Variants in PTPRM observed in about 807,000 individuals in gnomAD.
PTPRM encodes receptor-type tyrosine-protein phosphatase mu.
A neutral mutation model predicts 186.7 loss-of-function variants in PTPRM; 47 were observed. That is an observed-to-expected ratio of 0.25 (90% CI 0.20 to 0.32). PTPRM has a LOEUF of 0.32. Ranked by LOEUF, PTPRM falls within the 10% of genes least tolerant of loss-of-function variation. The probability of loss-of-function intolerance (pLI) is 1.00; values close to 1 mark genes in which losing one functional copy is unlikely to be tolerated. For missense variants in PTPRM, 1,494 were observed against 1,865.0 expected (o/e 0.80, Z 3.66); for synonymous variants, 668 against 674.9 (o/e 0.99, Z 0.16).
chr18:7,885,570 T>G (rs2048742909), intron 2 of PTPRM, among the ~76,000 whole-genome samples: 1 of 152,146 alleles, frequency 6.6e-6, no homozygotes, highest in South Asian at 2.1e-4. Context: ...GTAATAGGGA[T>G]GTCACTCCCC....
intron 15 of PTPRM, among the ~76,000 whole-genome samples, chr18:8,244,759 CTG>C (rs2094462230): frequency 6.6e-6 from 1 of 152,182 alleles, no homozygotes; most frequent in African/African-American, 2.4e-5. Context: ...ATACTACTAC[CTG>C]TGATCCAGGT....
intron 7 of PTPRM, among the ~76,000 whole-genome samples, chr18:7,993,040 G>A (rs1596384): frequency 0.86 from 130,580 of 151,666 alleles, 56,464 homozygotes; most frequent in African/African-American, 0.93. Context: ...ATGACATATC[G>A]TAAAAAAGGA....
intron 9 of PTPRM, among the ~76,000 whole-genome samples, chr18:8,083,157 A>G (rs1004480498): frequency 7.9e-5 from 12 of 152,034 alleles, no homozygotes; most frequent in African/African-American, 2.9e-4. Flanking sequence ...CAATTGCCCC[A>G]CCAATCAAAT....
At chr18:8,215,165 TAG>T (rs2094062686) in intron 14 of PTPRM, among the ~76,000 whole-genome samples, 1 of 152,176 alleles carries the variant, frequency 6.6e-6, no homozygotes, top group African/African-American at 2.4e-5. Context: ...GCAATAGCAA[TAG>T]GTGACCTGTG....
intron 2 of PTPRM, among the ~76,000 whole-genome samples, chr18:7,820,919 A>G (rs1018479091): frequency 3.9e-5 from 6 of 152,274 alleles, no homozygotes; most frequent in African/African-American, 1.4e-4. Flanking sequence ...AGGTCTACAC[A>G]TGAGCTCTTC....
intron 7 of PTPRM, among the ~76,000 whole-genome samples, chr18:8,057,684 A>G (rs1417451403): frequency 1.0e-5 from 1 of 98,010 alleles, no homozygotes; most frequent in Non-Finnish European, 2.0e-5. Context: ...ATTCCCACCT[A>G]TGAGTGAGAA....
chr18:8,104,842 G>A (rs1043303132), intron 11 of PTPRM, among the ~76,000 whole-genome samples: 1 of 152,122 alleles, frequency 6.6e-6, no homozygotes, highest in African/African-American at 2.4e-5. Context: ...ATTAATCAGT[G>A]TTTTTCTGCT....
At chr18:8,182,599 C>T (rs2093590934) in intron 14 of PTPRM, among the ~76,000 whole-genome samples, 1 of 152,158 alleles carries the variant, frequency 6.6e-6, no homozygotes, top group Non-Finnish European at 1.5e-5. Context: ...CTTTGAATTG[C>T]CCAAATAGAG....
rs1555647587 is a variant in PTPRM, at chr18:7,658,359, T to TAC, written c.73+90470_73+90471dup. On this transcript the variant is annotated intron_variant, in intron 1 of 32. Coordinates refer to ENST00000580170, the MANE Select transcript of PTPRM (RefSeq NM_001105244.2). ...ATATATATATATATATATATATATATACATACACACACACACACGCTATAA... is the reference window on the plus strand; with the variant it reads ...ATATATATATATATATATATATATATACACATACACACACACACACGCTATAA... Among the ~76,000 whole-genome samples the TAC allele has an allele frequency of 5.2e-4, 71 of 136,678 alleles. 1 individual carries two copies. Among genetic ancestry groups the TAC allele is most frequent in the East Asian group, 1.6e-3 (7 of 4,344 alleles). 89.7% of individuals were successfully genotyped at this position (136,678 alleles called of 152,430 possible).
chr18:8,237,237 A>G (rs1290489759), intron 14 of PTPRM, among the ~76,000 whole-genome samples: 1 of 152,076 alleles, frequency 6.6e-6, no homozygotes, highest in Non-Finnish European at 1.5e-5. Flanking sequence ...TGCTGTTATT[A>G]TTTTGAACAA....
rs187080125 is a variant in PTPRM at position 8,379,368 on chromosome 18, C to T, written c.3786+28C>T. 7.9e-5 allele frequency: 125 copies of T among 1,574,660 alleles called. No individual in the cohort carries two copies. In the Middle Eastern group the frequency reaches 2.0e-3, roughly 26 times the overall value. On this transcript the variant is annotated intron_variant, in intron 28 of 32. Transcript: ENST00000580170. ...GAGTGCCCCGCTTCCCGCACGGGTC[C>T]GAGGCTGGGGTGTTTGGGGAGACTG...
intron 13 of PTPRM, among the ~76,000 whole-genome samples, chr18:8,139,725 C>G (rs185128899): frequency 2.0e-5 from 3 of 152,118 alleles, no homozygotes; most frequent in Non-Finnish European, 4.4e-5. Flanking sequence ...GGTCTCTGCT[C>G]GAATGTTATT....
At chr18:7,842,745 A>G (rs1164076475) in intron 2 of PTPRM, among the ~76,000 whole-genome samples, 2 of 151,124 alleles carry the variant, frequency 1.3e-5, no homozygotes, top group African/African-American at 4.9e-5. Context: ...CACTTACATG[A>G]GACAGTTTCT....
chr18:7,848,055 T>C (rs2145907143), intron 2 of PTPRM, among the ~76,000 whole-genome samples: 1 of 152,360 alleles, frequency 6.6e-6, no homozygotes, highest in African/African-American at 2.4e-5. Flanking sequence ...CAAATGTATT[T>C]ACATTTCAAA....
At chr18:8,157,199 G>A (rs1182913925) in intron 14 of PTPRM, among the ~76,000 whole-genome samples, 3 of 152,138 alleles carry the variant, frequency 2.0e-5, no homozygotes, top group African/African-American at 7.2e-5. Context: ...TATTCCAAGG[G>A]CATAATAATA....
At chr18:8,377,447 T>G (rs896083662) in intron 26 of PTPRM, 1 of 152,234 alleles carries the variant, frequency 6.6e-6, no homozygotes, top group Non-Finnish European at 1.5e-5. Context: ...TATCTTTTAA[T>G]GTACTTTATA....
rs552208476 is a variant in PTPRM, at chr18:7,854,191, A to G, written c.197-33915A>G. 1.9e-4 allele frequency among the ~76,000 whole-genome samples: 29 copies of G among 152,254 alleles called. No homozygotes were observed. In the East Asian group the frequency reaches 4.6e-3, roughly 24 times the overall value. The stretch of plus-strand genomic sequence containing the variant: ...GCTTTTGAAGAAGTGGTTGTCTACC[A>G]TTTTCCAGTAATTGTCTTTCTTCTA... On this transcript the variant is annotated intron_variant, in intron 2 of 32. Coordinates refer to ENST00000580170, the MANE Select transcript of PTPRM (RefSeq NM_001105244.2).
At chr18:7,857,577 C>T (rs143399676) in intron 2 of PTPRM, among the ~76,000 whole-genome samples, 60 of 152,252 alleles carry the variant, frequency 3.9e-4, no homozygotes, top group African/African-American at 1.2e-3. Flanking sequence ...GGCTCATGGG[C>T]CTGTGACAGG....
intron 9 of PTPRM, among the ~76,000 whole-genome samples, chr18:8,079,009 G>T (rs2089983318): frequency 6.6e-6 from 1 of 152,212 alleles, no homozygotes; most frequent in South Asian, 2.1e-4. Context: ...ATCAGTGCTG[G>T]AAATGAATAT....
Sources: gnomAD v4.1 joint callset for allele counts (sites outside exome capture counted in the v4.1 genomes callset) on GRCh38, gnomAD v4.1.1 for gene constraint, MANE v1.5 for transcripts, NCBI Gene and HGNC (gene_info 2026-07-23, HGNC 2026-07-21) for gene names.